ZFPM1: variants seen among roughly 807,000 people sequenced by gnomAD.
The protein encoded by ZFPM1 is zinc finger protein, FOG family member 1.
ZFPM1 carries 28 observed loss-of-function variants against 46.3 expected under a neutral mutation model. The ratio of observed to expected loss-of-function variants is 0.60; its 90% CI spans 0.45 to 0.83. The LOEUF is 0.83. Ranked by LOEUF, ZFPM1 falls within the 40% of genes least tolerant of loss-of-function variation. The pLI, the probability that ZFPM1 is intolerant of heterozygous loss-of-function variation, is 0.00. For synonymous variants in ZFPM1, 957 were observed against 675.9 expected (o/e 1.42, Z -6.45); for missense variants, 1,878 against 1,432.4 (o/e 1.31, Z -5.02).
intron 6 of ZFPM1, among the ~76,000 whole-genome samples, chr16:88,528,605 G>T (rs1219575555): frequency 2.6e-5 from 4 of 152,336 alleles, no homozygotes; most frequent in African/African-American, 9.6e-5. Context: ...TGGCGTCTGG[G>T]GCCAGGTCAC....
In ZFPM1 at chr16:88,533,150, A is replaced by G; in HGVS notation, c.1192A>G (p.Ser398Gly). 6.7e-7 allele frequency: 1 copy of G among 1,492,850 alleles called. No homozygotes were observed. The highest frequency in any genetic ancestry group is 8.9e-7 in the Non-Finnish European group (1 of 1,128,044). The allele number at this position is 1,492,850 out of a possible 1,614,324, so 92.5% of individuals were successfully genotyped here. ...CCACCCCTGCGATCTCTCTGCAGAC[A>G]GTCTGGGCAGCTTCCAGCAGCAGCA... Reference protein sequence around the residue: ...GHPATKLPPDSLGSFQQQHTA... With the variant: ...GHPATKLPPDGLGSFQQQHTA... Residue 398 changes from serine to glycine, a missense_variant and splice_region_variant, in exon 10 of 10, where the codon AGT becomes GGT. Coordinates refer to ENST00000319555, the MANE Select transcript of ZFPM1 (RefSeq NM_153813.3).
chr16:88,453,862 C>T (rs1389096429), intron 1 of ZFPM1, among the ~76,000 whole-genome samples, 184 bp downstream of exon 1: 3 of 151,770 alleles, frequency 2.0e-5, no homozygotes, highest in Non-Finnish European at 4.4e-5. Context: ...TGGGCCCCCG[C>T]GTCTCGGCTT....
chr16:88,475,893 C>T (rs771366520), intron 1 of ZFPM1, among the ~76,000 whole-genome samples: 14 of 152,154 alleles, frequency 9.2e-5, no homozygotes, highest in Admixed American at 3.3e-4. Flanking sequence ...GGACACCATT[C>T]GGCCAGAGGC....
intron 7 of ZFPM1, 123 bp downstream of exon 7, chr16:88,532,358 C>T (rs1314681710): frequency 1.5e-5 from 16 of 1,075,750 alleles, no homozygotes; most frequent in Non-Finnish European, 1.8e-5. Context: ...TGCGCGGTCT[C>T]CGGCACACCC....
rs561122095 is a variant in ZFPM1, at chr16:88,484,842, G to A, written c.41-1097G>A. 1.1e-4 allele frequency among the ~76,000 whole-genome samples: 16 copies of A among 152,324 alleles called. 1 individual carries two copies. The East Asian group carries it at 2.1e-3, about 20-fold the overall frequency. On this transcript the variant is annotated intron_variant, in intron 1 of 9. Coordinates refer to ENST00000319555, the MANE Select transcript of ZFPM1 (RefSeq NM_153813.3). ...CCACTCCACAGCCACTGTGGGGTCC[G>A]GAGCAGCTGCCCCCGCACTTGGGCC...
Position 88,534,113 on chromosome 16 carries a change from G to C in ZFPM1, c.2155G>C (p.Ala719Pro). The C allele has an allele frequency of 1.8e-6, 2 of 1,133,394 alleles. No individual in the cohort carries two copies. Among genetic ancestry groups the C allele is most frequent in the Non-Finnish European group, 2.2e-6 (2 of 902,198 alleles). 70.2% of individuals were successfully genotyped at this position (1,133,394 alleles called of 1,614,324 possible). Residue 719 changes from alanine to proline, a missense_variant, in exon 10 of 10, where the codon GCG (alanine) becomes CCG (proline). Physicochemically the swap from Ala to Pro is conservative, Grantham distance 27. Coordinates refer to ENST00000319555, the MANE Select transcript of ZFPM1 (RefSeq NM_153813.3). ...CGACCCGCCGCCGCGCCGACCGGCCGCGCCCCCGGGACCCCCTGGGCCGGC... is the reference window on the plus strand; with the variant it reads ...CGACCCGCCGCCGCGCCGACCGGCCCCGCCCCCGGGACCCCCTGGGCCGGC... ...RHDPPPRRPA[A>P]PPGPPGPAAP...
In ZFPM1 at chr16:88,514,533, C is replaced by T. The variant is rs1301380900; in HGVS notation, c.402+13C>T. 1 of 1,550,438 alleles carries T rather than the reference C, an allele frequency of 6.4e-7. No homozygotes were observed. Among genetic ancestry groups the T allele is most frequent in the Admixed American group, 1.9e-5 (1 of 51,374 alleles). ...GCAGGCGGAGCCGGTAAGAAGCCCC[C>T]ATCCCCGCCCCTGCCCGCCCACCCC... On this transcript the variant is annotated intron_variant, in intron 4 of 9. Coordinates refer to ENST00000319555, the MANE Select transcript of ZFPM1 (RefSeq NM_153813.3).
At position 88,526,739 on chromosome 16, in the gene ZFPM1, C is replaced by T. The variant is rs1290466043; in HGVS notation, c.403-75C>T. The stretch of plus-strand genomic sequence containing the variant: ...GGAGGCAGATCCGTGTCACAGATGC[C>T]CCACATACTCACGGGAACCCCCAGG... On this transcript the variant is annotated intron_variant, in intron 4 of 9. Transcript: ENST00000319555. 5 of 1,481,430 alleles carry T rather than the reference C, an allele frequency of 3.4e-6. No individual in the cohort carries two copies. The African/African-American group carries it at 6.9e-5, about 21-fold the overall frequency. 91.8% of individuals were successfully genotyped at this position (1,481,430 alleles called of 1,614,324 possible).
intron 3 of ZFPM1, among the ~76,000 whole-genome samples, chr16:88,511,396 G>A (rs557951356): frequency 6.6e-6 from 1 of 152,224 alleles, no homozygotes; most frequent in African/African-American, 2.4e-5. Context: ...GGTGGGGTTG[G>A]GTGCTGACCA....
At chr16:88,453,093 C>T (rs1355461844), upstream of ZFPM1, among the ~76,000 whole-genome samples, 1 of 147,056 alleles carries the variant, frequency 6.8e-6, no homozygotes, top group African/African-American at 2.5e-5. Flanking sequence ...GGGGCGCGGT[C>T]GCGGCTCTGG....
Position 88,489,077 on chromosome 16 carries a change from C to T in ZFPM1, c.192C>T (p.Gly64=). The T allele has an allele frequency of 6.2e-7, 1 of 1,613,156 alleles. No individual in the cohort carries two copies. The highest frequency in any genetic ancestry group is 8.5e-7 in the Non-Finnish European group (1 of 1,179,804). ...PPLPPPTSPG[G]PKELEGQEPE... is the part of the protein sequence containing the mutation. ...TGCCGCCCCCCACATCCCCAGGAGGCCCCAAGGAGCTGGAAGGACAGGAAC... is the reference window on the plus strand; with the variant it reads ...TGCCGCCCCCCACATCCCCAGGAGGTCCCAAGGAGCTGGAAGGACAGGAAC... Residue 64 remains glycine (G), a synonymous_variant, in exon 3 of 10, where the codon GGC becomes GGT. Coordinates refer to ENST00000319555, the MANE Select transcript of ZFPM1 (RefSeq NM_153813.3).
At chr16:88,487,755 C>T (rs1017608192) in intron 2 of ZFPM1, among the ~76,000 whole-genome samples, 2 of 152,188 alleles carry the variant, frequency 1.3e-5, no homozygotes, top group Non-Finnish European at 2.9e-5. Context: ...CGCCTGGGCC[C>T]CTTTTTCTGG....
At position 88,532,717 on chromosome 16, in the gene ZFPM1, C is replaced by T; in HGVS notation, c.1042+8C>T. ...ACACGGACACGCTGAGCGGTAGGCA[C>T]CGCAGGGGCCGGGGGGTGTGTGGGT... On this transcript the variant is annotated splice_region_variant and intron_variant, in intron 8 of 9. Coordinates refer to ENST00000319555, the MANE Select transcript of ZFPM1 (RefSeq NM_153813.3). 1 of 1,612,120 alleles carries T rather than the reference C, an allele frequency of 6.2e-7. No homozygotes were observed. The highest frequency in any genetic ancestry group is 8.5e-7 in the Non-Finnish European group (1 of 1,179,448).
chr16:88,460,285 C>T (rs559533318), intron 1 of ZFPM1, among the ~76,000 whole-genome samples: 29 of 152,176 alleles, frequency 1.9e-4, no homozygotes, highest in Non-Finnish European at 4.1e-4. Context: ...TGGCAGGGCC[C>T]GGAGAGCAGT....
intron 6 of ZFPM1, among the ~76,000 whole-genome samples, chr16:88,528,656 G>A (rs4782520): frequency 0.93 from 141,092 of 152,266 alleles, 65,968 homozygotes; most frequent in East Asian, 1. Context: ...GGGGGTGAGC[G>A]GCAGCCCTGG....
intron 1 of ZFPM1, among the ~76,000 whole-genome samples, chr16:88,482,057 G>A (rs569937026): frequency 2.6e-5 from 4 of 152,322 alleles, no homozygotes; most frequent in Admixed American, 6.5e-5. Context: ...CAGCAAGGAC[G>A]CAGCAGCTGT....
intron 3 of ZFPM1, among the ~76,000 whole-genome samples, chr16:88,498,192 G>T (rs1158974245): frequency 6.6e-6 from 1 of 151,986 alleles, no homozygotes; most frequent in Non-Finnish European, 1.5e-5. Context: ...CCACCTGGGG[G>T]GTCCCCAGAG....
intron 3 of ZFPM1, among the ~76,000 whole-genome samples, chr16:88,511,234 C>A (rs1910943369): frequency 6.6e-6 from 1 of 152,168 alleles, no homozygotes; most frequent in Non-Finnish European, 1.5e-5. Flanking sequence ...AAGGCCAAGG[C>A]TGTGGCATGC....
chr16:88,467,566 A>C (rs959962327), intron 1 of ZFPM1, among the ~76,000 whole-genome samples: 1 of 152,076 alleles, frequency 6.6e-6, no homozygotes, highest in African/African-American at 2.4e-5. Context: ...GTAGACCGCG[A>C]GACCTGCCTT....
Sources: allele counts gnomAD v4.1 joint callset (sites outside exome capture counted in the v4.1 genomes callset), GRCh38; gene constraint gnomAD v4.1.1; transcripts MANE v1.5; gene names NCBI Gene and HGNC (gene_info 2026-07-23, HGNC 2026-07-21).